Variants in ESRRB observed in about 807,000 individuals in gnomAD.
ESRRB encodes steroid hormone receptor ERR2.
A neutral mutation model predicts 46.0 loss-of-function variants in ESRRB; 16 were observed. The observed-to-expected ratio is 0.35, with a 90% CI of 0.24 to 0.53. ESRRB has a LOEUF of 0.53. Ranked by LOEUF, ESRRB falls within the 20% of genes least tolerant of loss-of-function variation. ESRRB has a pLI of 0.93. For missense variants in ESRRB, 488 were observed against 607.4 expected, an observed-to-expected ratio of 0.80 and a Z score of 2.07; for synonymous variants, 246 against 259.6, an observed-to-expected ratio of 0.95 and a Z score of 0.50.
intron 1 of ESRRB, among the ~76,000 whole-genome samples, chr14:76,313,106 T>A (rs1468942078): frequency 6.6e-6 from 1 of 152,026 alleles, no homozygotes; most frequent in Non-Finnish European, 1.5e-5. Flanking sequence ...TACGTGTAGA[T>A]CCTTTCAGGT....
intron 1 of ESRRB, among the ~76,000 whole-genome samples, chr14:76,324,962 T>C (rs1361359120): frequency 1.8e-5 from 2 of 113,986 alleles, no homozygotes; most frequent in African/African-American, 3.1e-5. Context: ...TTTTTCTTTT[T>C]CTTTTTTTTT....
chr14:76,425,404 T>C (rs973936516), intron 1 of ESRRB, among the ~76,000 whole-genome samples: 1 of 152,172 alleles, frequency 6.6e-6, no homozygotes, highest in African/African-American at 2.4e-5. Flanking sequence ...ATGGCTGGGA[T>C]TCAGGGAAAG....
At chr14:76,371,084 T>A (rs1034922814), upstream of ESRRB, among the ~76,000 whole-genome samples, 2 of 152,192 alleles carry the variant, frequency 1.3e-5, no homozygotes, top group Non-Finnish European at 2.9e-5. Context: ...ATCCTTGGTG[T>A]CGTGGCAGCA....
At chr14:76,455,369 C>T (rs1445330442) in intron 2 of ESRRB, among the ~76,000 whole-genome samples, 1 of 152,140 alleles carries the variant, frequency 6.6e-6, no homozygotes, top group Non-Finnish European at 1.5e-5. Flanking sequence ...TTGCTGACAG[C>T]AAGTTTTACC....
chr14:76,402,733 T>C (rs1490273266), intron 1 of ESRRB, among the ~76,000 whole-genome samples: 2 of 152,176 alleles, frequency 1.3e-5, no homozygotes, highest in Non-Finnish European at 2.9e-5. Flanking sequence ...CGGGTCTCGC[T>C]ATGTTGCCCA....
chr14:76,464,935 A>G (rs1889042989), intron 3 of ESRRB, among the ~76,000 whole-genome samples: 1 of 151,180 alleles, frequency 6.6e-6, no homozygotes, highest in South Asian at 2.1e-4. Flanking sequence ...AGCTTTGGAG[A>G]CTCATTCATT....
At chr14:76,481,702 G>A (rs960879701) in intron 3 of ESRRB, among the ~76,000 whole-genome samples, 1 of 152,178 alleles carries the variant, frequency 6.6e-6, no homozygotes, top group Non-Finnish European at 1.5e-5. Context: ...GACTTCTTCC[G>A]CCAACACTTG....
At chr14:76,458,271 A>G (rs1488713141) in intron 2 of ESRRB, among the ~76,000 whole-genome samples, 1 of 152,202 alleles carries the variant, frequency 6.6e-6, no homozygotes, top group African/African-American at 2.4e-5. Flanking sequence ...GACCACAGGA[A>G]TTCTGATGAA....
Position 76,499,154 on chromosome 14 carries a change from C to T in ESRRB, c.*696C>T, listed in dbSNP as rs1890562822. ...CTGTCCTCCTCCTCTTCTCCTCCCC[C>T]CGGGAGTCCCCCGCTACTTCCTGAC... On this transcript the variant is annotated 3_prime_UTR_variant, in exon 7 of 7. Transcript: ENST00000644823. 3.2e-6 allele frequency: 1 copy of T among 313,480 alleles called. No homozygotes were observed. Among genetic ancestry groups the T allele is most frequent in the African/African-American group, 2.2e-5 (1 of 45,660 alleles). The allele number at this position is 313,480 out of a possible 1,614,324, so 19.4% of individuals were successfully genotyped here. A position where few individuals can be genotyped will look rare whatever the true frequency, so the allele number is the denominator to read the frequency against.
At chr14:76,407,438 A>C (rs952136998) in intron 1 of ESRRB, 2 of 647,672 alleles carry the variant, frequency 3.1e-6, no homozygotes, top group Non-Finnish European at 3.8e-6. Flanking sequence ...GCCTGCATCG[A>C]GCAGAGCCAC....
At chr14:76,481,949 A>G in intron 3 of ESRRB, 67 bp from the exon 4 acceptor site, 3 of 1,475,524 alleles carry the variant, frequency 2.0e-6, no homozygotes, top group Middle Eastern at 1.7e-4. Context: ...TGAAATTCCA[A>G]AGTCAGTGCT....
chr14:76,451,590 G>A (rs1002879526), intron 2 of ESRRB, among the ~76,000 whole-genome samples: 12 of 152,112 alleles, frequency 7.9e-5, no homozygotes, highest in Non-Finnish European at 1.5e-4. Context: ...GCTAGGGGCT[G>A]GGAGCCCAGT....
At chr14:76,476,109 C>T (rs1003964624) in intron 3 of ESRRB, among the ~76,000 whole-genome samples, 16 of 151,778 alleles carry the variant, frequency 1.1e-4, no homozygotes, top group African/African-American at 3.6e-4. Flanking sequence ...TGGAGTCTCA[C>T]TCTGTTGCCC....
At chr14:76,385,030 C>T (rs899840510) in intron 1 of ESRRB, among the ~76,000 whole-genome samples, 8 of 152,136 alleles carry the variant, frequency 5.3e-5, no homozygotes, top group Non-Finnish European at 1.0e-4. Context: ...CTCATCTGTG[C>T]GTTACTTTAG....
At chr14:76,405,364 G>A (rs370498575) in intron 1 of ESRRB, among the ~76,000 whole-genome samples, 29 of 152,060 alleles carry the variant, frequency 1.9e-4, no homozygotes, top group African/African-American at 2.4e-4. Context: ...CGCCTGCTTC[G>A]GCCTCCCAAA....
chr14:76,500,911 TA>T lies in ESRRB; in HGVS notation c.*2455del. On this transcript the variant is annotated 3_prime_UTR_variant, in exon 7 of 7. Coordinates refer to ENST00000644823, the MANE Select transcript of ESRRB (RefSeq NM_001379180.1). ...CAGATCACAACAGGAAATGTGTCAG[TA>T]ACAATGGAACTCCATCCAATGGGAA... 1 of 653,078 alleles carries T rather than the reference TA, an allele frequency of 1.5e-6. No homozygotes were observed. Among genetic ancestry groups the T allele is most frequent in the Non-Finnish European group, 2.8e-6 (1 of 359,926 alleles). 40.5% of individuals were successfully genotyped at this position (653,078 alleles called of 1,614,324 possible). A position where few individuals can be genotyped will look rare whatever the true frequency, so the allele number is the denominator to read the frequency against.
chr14:76,358,411 GAAAA>G (rs1566859742), intron 1 of ESRRB, among the ~76,000 whole-genome samples: 14 of 140,124 alleles, frequency 1.0e-4, no homozygotes, highest in African/African-American at 2.7e-4. Context: ...AAGAAAGAAA[GAAAA>G]GAAAAGAAAA....
At chr14:76,331,084 A>G (rs1465235831) in intron 1 of ESRRB, among the ~76,000 whole-genome samples, 1 of 152,018 alleles carries the variant, frequency 6.6e-6, no homozygotes. Context: ...AACCTACCAG[A>G]TGGCCAAAGA....
intron 1 of ESRRB, among the ~76,000 whole-genome samples, chr14:76,340,822 G>T (rs1431500717): frequency 6.6e-6 from 1 of 152,168 alleles, no homozygotes; most frequent in Non-Finnish European, 1.5e-5. Flanking sequence ...CATGGGTGAG[G>T]GGCTCTGGCT....
Sources: gnomAD v4.1 joint callset for allele counts (sites outside exome capture counted in the v4.1 genomes callset) on GRCh38, gnomAD v4.1.1 for gene constraint, MANE v1.5 for transcripts, NCBI Gene and HGNC (gene_info 2026-07-23, HGNC 2026-07-21) for gene names.